The following ZNF638 variants were observed in gnomAD, a reference collection of about 807,000 sequenced individuals.
ZNF638 encodes the protein CTCL tumor antigen se33-1.
A neutral mutation model predicts 195.6 loss-of-function variants in ZNF638; 46 were observed. The observed-to-expected ratio is 0.24, with a 90% confidence interval of 0.19 to 0.30. ZNF638 has a LOEUF of 0.30. Among genes scored for constraint, ZNF638 ranks in the 10% least tolerant of loss-of-function variants. The pLI is 1.00. For synonymous variants in ZNF638, 845 were observed against 772.0 expected (o/e 1.09, Z -1.57); for missense variants, 2,440 against 2,325.3 (o/e 1.05, Z -1.01).
chr2:71,348,526 G>A (rs1164335540), intron 1 of ZNF638: 1 of 1,175,858 alleles, frequency 8.5e-7, no homozygotes, highest in Non-Finnish European at 1.1e-6. Flanking sequence ...GCAACACAAT[G>A]TACATGAACT....
chr2:71,341,708 A>G (rs551407077), intron 1 of ZNF638: 2 of 152,176 alleles, frequency 1.3e-5, no homozygotes, highest in Non-Finnish European at 2.9e-5. Context: ...TCGTTTTTCC[A>G]GGTTATTTAT....
chr2:71,350,255 A>G lies in ZNF638; in HGVS notation c.1301A>G (p.Glu434Gly), dbSNP rs1476203486. The G allele has an allele frequency of 6.2e-7, 1 of 1,600,442 alleles. No individual in the cohort carries two copies. Among genetic ancestry groups the G allele is most frequent in the Non-Finnish European group, 8.5e-7 (1 of 1,179,124 alleles). Residue 434 changes from glutamate to glycine, a missense_variant, in exon 2 of 28, where the codon GAA becomes GGA. Physicochemically the swap from Glu to Gly is moderately conservative, Grantham distance 98. This residue lies in a region of ZNF638 where 37 missense variants were observed against 75.7 expected (regional missense o/e 0.49). Transcript: ENST00000264447. ...FPHLCSLCNV[E>G]CSHLKDWIQH... ...CATTTGTGTTCTCTGTGTAACGTAG[A>G]ATGTAGTCATTTGAAGGTGAGTGTT...
intron 1 of ZNF638, among the ~76,000 whole-genome samples, chr2:71,332,105 AC>A (rs939094725): frequency 2.6e-5 from 4 of 152,046 alleles, no homozygotes; most frequent in Admixed American, 2.0e-4. Context: ...TCACTTCGCT[AC>A]CCGGGAGGGC....
chr2:71,369,619 C>T (rs2079272521), intron 7 of ZNF638, among the ~76,000 whole-genome samples: 1 of 152,186 alleles, frequency 6.6e-6, no homozygotes, highest in Admixed American at 6.5e-5. Flanking sequence ...CCTGCCTTCT[C>T]ATTTCCTCTT....
At chr2:71,365,826 C>A in intron 6 of ZNF638, 120 bp downstream of exon 6, 1 of 974,034 alleles carries the variant, frequency 1.0e-6, no homozygotes, top group Non-Finnish European at 1.5e-6. Context: ...CTCAAGTGAT[C>A]CTCCTGCCTC....
At chr2:71,395,819 G>A in intron 10 of ZNF638, 1 of 428,444 alleles carries the variant, frequency 2.3e-6, no homozygotes. Flanking sequence ...GACTTGGCAG[G>A]ATTTTGACTT....
At position 71,368,413 on chromosome 2, in the gene ZNF638, C is replaced by T. The variant is rs147676010; in HGVS notation, c.2027C>T (p.Ser676Leu). Residue 676 changes from serine (S) to leucine (L), a missense_variant, in exon 7 of 28, where the codon TCG becomes TTG. By Grantham distance (145) the Ser-to-Leu change is moderately radical (BLOSUM62 -2). Coordinates refer to ENST00000264447, the MANE Select transcript of ZNF638 (RefSeq NM_014497.5). ...LRKEQSLHYGSVLLITELPED... is the reference protein window; with the variant it reads ...LRKEQSLHYGLVLLITELPED... ...AAAGAACAGTCATTGCATTATGGTT[C>T]GGTTCTTCTTATAACTGAATTACCA... 2 of 1,612,704 alleles carry T rather than the reference C, an allele frequency of 1.2e-6. No homozygotes were observed. Among genetic ancestry groups the T allele is most frequent in the Non-Finnish European group, 1.7e-6 (2 of 1,179,558 alleles).
At chr2:71,368,096 A>G (rs896792908) in intron 6 of ZNF638, among the ~76,000 whole-genome samples, 1 of 152,272 alleles carries the variant, frequency 6.6e-6, no homozygotes, top group East Asian at 1.9e-4. Flanking sequence ...CTTATTTGCT[A>G]TAAGATGCTA....
At chr2:71,346,016 A>C (rs2078844903) in intron 1 of ZNF638, among the ~76,000 whole-genome samples, 1 of 152,238 alleles carries the variant, frequency 6.6e-6, no homozygotes, top group South Asian at 2.1e-4. Context: ...TGTTGGGCAC[A>C]TTAGGAAATA....
chr2:71,350,109 T>C lies in ZNF638; in HGVS notation c.1155T>C (p.Phe385=), dbSNP rs763638737. 2 of 1,614,160 alleles carry C rather than the reference T, an allele frequency of 1.2e-6. No individual in the cohort carries two copies. Among genetic ancestry groups the C allele is most frequent in the Non-Finnish European group, 1.7e-6 (2 of 1,180,038 alleles). ...CTGACATTCCCATTCGGTCTCCCTTTGGTATTGTGAAAGCATCCTGGCTAC... is the reference window on the plus strand; with the variant it reads ...CTGACATTCCCATTCGGTCTCCCTTCGGTATTGTGAAAGCATCCTGGCTAC... ...SQADIPIRSP[F]GIVKASWLPK... The change falls in exon 2 of 28, where the codon TTT becomes TTC. Residue 385 remains phenylalanine (F), a synonymous_variant. Transcript: ENST00000264447.
chr2:71,346,753 G>A (rs1032490550), intron 1 of ZNF638, among the ~76,000 whole-genome samples: 5 of 152,058 alleles, frequency 3.3e-5, no homozygotes, highest in Admixed American at 1.3e-4. Context: ...AATGCCGGGC[G>A]ACGTGGCTCA....
At chr2:71,414,730 AT>A (rs1353346073) in intron 20 of ZNF638, among the ~76,000 whole-genome samples, 1 of 121,070 alleles carries the variant, frequency 8.3e-6, no homozygotes. Context: ...TCATTTCGTT[AT>A]GTACCCAGTA....
chr2:71,430,857 T>C (rs1319101330), intron 25 of ZNF638, among the ~76,000 whole-genome samples: 1 of 152,168 alleles, frequency 6.6e-6, no homozygotes, highest in Non-Finnish European at 1.5e-5. Context: ...TTGGTGGGCT[T>C]TAACATTTAT....
At chr2:71,405,044 G>T (rs2080078548) in intron 17 of ZNF638, among the ~76,000 whole-genome samples, 2 of 152,094 alleles carry the variant, frequency 1.3e-5, no homozygotes, top group South Asian at 4.1e-4. Flanking sequence ...CACACCAGTA[G>T]TATCAACAAG....
chr2:71,384,933 A>T (rs2079607207), intron 10 of ZNF638, among the ~76,000 whole-genome samples: 4 of 152,166 alleles, frequency 2.6e-5, no homozygotes, highest in Non-Finnish European at 2.9e-5. Flanking sequence ...CCCTTTGCTC[A>T]CCTGTGGGAA....
In ZNF638 at chr2:71,349,075, A is replaced by C; in HGVS notation, c.121A>C (p.Arg41=). The C allele has an allele frequency of 1.9e-6, 3 of 1,614,210 alleles. No homozygotes were observed. Among genetic ancestry groups the C allele is most frequent in the Non-Finnish European group, 2.5e-6 (3 of 1,180,032 alleles). The change falls in exon 2 of 28, where the codon AGA becomes CGA. Residue 41 remains arginine, a synonymous_variant. Coordinates refer to ENST00000264447, the MANE Select transcript of ZNF638 (RefSeq NM_014497.5). ...GAGGCCTGGATCTATGGGTCTCCCA[A>C]GATTTTACCCAGCAGGGAGAGCACG... is the stretch of plus-strand genomic sequence containing the variant. ...FMRPGSMGLP[R]FYPAGRARGI... is the part of the protein sequence containing the mutation.
intron 17 of ZNF638, among the ~76,000 whole-genome samples, chr2:71,404,962 A>T (rs2080077139): frequency 6.6e-6 from 1 of 152,214 alleles, no homozygotes; most frequent in Admixed American, 6.5e-5. Context: ...GCAGGTAGAA[A>T]TGCATGTAAT....
At chr2:71,337,173 A>C (rs2078685204) in intron 1 of ZNF638, among the ~76,000 whole-genome samples, 1 of 151,740 alleles carries the variant, frequency 6.6e-6, no homozygotes, top group South Asian at 2.1e-4. Context: ...TAAAGTAAGA[A>C]GATCACATAG....
At chr2:71,400,885 G>C (rs1409043068) in intron 15 of ZNF638, among the ~76,000 whole-genome samples, 1 of 152,084 alleles carries the variant, frequency 6.6e-6, no homozygotes, top group Non-Finnish European at 1.5e-5. Context: ...ATATGTTAAT[G>C]GTTAGAATAC....
Sources: allele counts gnomAD v4.1 joint callset (sites outside exome capture counted in the v4.1 genomes callset), GRCh38; gene constraint gnomAD v4.1.1; regional missense constraint gnomAD v4.1.1; transcripts MANE v1.5; gene names NCBI Gene and HGNC (gene_info 2026-07-23, HGNC 2026-07-21).